The following DAB1 variants were observed in gnomAD, a reference collection of about 807,000 sequenced individuals.
The protein encoded by DAB1 is DAB adaptor protein 1.
In DAB1, 15 loss-of-function variants were observed where a neutral mutation model predicts 64.6. The ratio of observed to expected loss-of-function variants is 0.23; its 90% CI spans 0.16 to 0.36. The LOEUF is 0.36. Among genes scored for constraint, DAB1 ranks in the 10% least tolerant of loss-of-function variants. The probability of loss-of-function intolerance (pLI) is 1.00; values close to 1 mark genes in which losing one functional copy is unlikely to be tolerated. For synonymous variants in DAB1, 235 were observed against 251.9 expected (o/e 0.93, Z 0.64); for missense variants, 596 against 706.7 (o/e 0.84, Z 1.78).
At chr1:58,097,865 A>G (rs1324890070) in intron 5 of DAB1, among the ~76,000 whole-genome samples, 1 of 152,092 alleles carries the variant, frequency 6.6e-6, no homozygotes, top group Non-Finnish European at 1.5e-5. Flanking sequence ...CTTGAAAGCC[A>G]CCAAGCCCAG....
intron 1 of DAB1, among the ~76,000 whole-genome samples, chr1:57,304,769 A>T (rs1362786115): frequency 6.6e-6 from 1 of 152,206 alleles, no homozygotes; most frequent in Non-Finnish European, 1.5e-5. Flanking sequence ...TTGCTATACC[A>T]TATAACTATT....
At chr1:57,906,102 A>G (rs564767188) in intron 5 of DAB1, among the ~76,000 whole-genome samples, 21 of 152,260 alleles carry the variant, frequency 1.4e-4, no homozygotes, top group Non-Finnish European at 2.8e-4. Context: ...GTAGTGAGAA[A>G]CTTCTGGAAA....
intron 3 of DAB1, among the ~76,000 whole-genome samples, chr1:58,361,422 T>C (rs534320970): frequency 1.3e-5 from 2 of 152,320 alleles, no homozygotes; most frequent in Non-Finnish European, 2.9e-5. Context: ...ATGACCCACA[T>C]GTTTGTCTGT....
intron 3 of DAB1, among the ~76,000 whole-genome samples, chr1:57,144,522 C>T (rs867047715): frequency 2.6e-5 from 4 of 151,810 alleles, no homozygotes; most frequent in African/African-American, 7.3e-5. Flanking sequence ...GGTGAAACCC[C>T]GTCTCTACTA....
chr1:57,858,921 C>A (rs852804), intron 1 of DAB1, among the ~76,000 whole-genome samples: 2 of 151,470 alleles, frequency 1.3e-5, no homozygotes, highest in East Asian at 3.9e-4. Context: ...TCAAGAGCTG[C>A]GATTCCAAGT....
intron 6 of DAB1, among the ~76,000 whole-genome samples, chr1:57,702,941 G>T (rs1646923943): frequency 6.6e-6 from 1 of 152,066 alleles, no homozygotes; most frequent in Admixed American, 6.6e-5. Flanking sequence ...AATGGGGAAA[G>T]GATTCCTTAT....
chr1:57,606,528 A>ATG (rs1558535202), intron 7 of DAB1, among the ~76,000 whole-genome samples: 5 of 58,936 alleles, frequency 8.5e-5, no homozygotes, highest in African/African-American at 3.6e-4. Context: ...TATAATATAT[A>ATG]ATATATATGA....
chr1:57,893,322 T>C (rs769776655), intron 5 of DAB1, among the ~76,000 whole-genome samples: 2 of 152,162 alleles, frequency 1.3e-5, no homozygotes, highest in Non-Finnish European at 2.9e-5. Context: ...GGCTTTATTT[T>C]CTAGGGGAGA....
intron 9 of DAB1, among the ~76,000 whole-genome samples, chr1:57,029,638 C>A (rs936738111): frequency 2.0e-5 from 3 of 152,198 alleles, no homozygotes; most frequent in Non-Finnish European, 2.9e-5. Context: ...TGGGAACCTA[C>A]CTCTTGCATC....
chr1:57,831,808 G>T (rs771794364), intron 1 of DAB1, among the ~76,000 whole-genome samples: 30 of 152,138 alleles, frequency 2.0e-4, no homozygotes, highest in Admixed American at 6.5e-4. Flanking sequence ...CTCTCAAAGT[G>T]CTGGGAATAC....
At chr1:57,646,135 G>A (rs1165579496) in intron 7 of DAB1, among the ~76,000 whole-genome samples, 3 of 152,144 alleles carry the variant, frequency 2.0e-5, no homozygotes, top group Non-Finnish European at 4.4e-5. Context: ...TATGATGGCT[G>A]CAGATGAATA....
At chr1:58,433,567 AAGAGAGAGAGAGAGAG>A (rs67547933) in intron 3 of DAB1, among the ~76,000 whole-genome samples, 6 of 114,380 alleles carry the variant, frequency 5.2e-5, no homozygotes, top group South Asian at 3.0e-4. Context: ...GTCCATGCAT[AAGAGAGAGAGAGAGAG>A]AGAGAGAGAG....
chr1:57,756,393 A>T (rs1227930983), intron 6 of DAB1, among the ~76,000 whole-genome samples: 3 of 152,172 alleles, frequency 2.0e-5, no homozygotes, highest in Admixed American at 2.0e-4. Flanking sequence ...GAAAGAGGTG[A>T]TTACTGACTT....
intron 7 of DAB1, among the ~76,000 whole-genome samples, chr1:57,481,403 C>G (rs1433213090): frequency 6.6e-6 from 1 of 152,124 alleles, no homozygotes; most frequent in South Asian, 2.1e-4. Flanking sequence ...TTGTTTACTC[C>G]AAGAATTTTA....
chr1:58,210,586 T>G (rs980385892), intron 4 of DAB1, among the ~76,000 whole-genome samples: 7 of 152,332 alleles, frequency 4.6e-5, no homozygotes, highest in Admixed American at 2.0e-4. Context: ...ACTGCCAGGA[T>G]GAAGATGAGC....
intron 6 of DAB1, among the ~76,000 whole-genome samples, chr1:57,805,871 T>G (rs1651337539): frequency 6.6e-6 from 1 of 152,202 alleles, no homozygotes; most frequent in Admixed American, 6.5e-5. Context: ...TCTCACCAAC[T>G]CTGCTGTTGT....
intron 3 of DAB1, among the ~76,000 whole-genome samples, chr1:58,406,588 A>G (rs1018735641): frequency 5.3e-5 from 8 of 152,204 alleles, no homozygotes; most frequent in African/African-American, 1.9e-4. Flanking sequence ...GCCACAGACA[A>G]CAATGGCCAG....
chr1:57,676,783 C>T lies in DAB1; in HGVS notation n.552-27118G>A, dbSNP rs200569885. On this transcript the variant is annotated intron_variant and non_coding_transcript_variant, in intron 6 of 20. Transcript: ENST00000485760. Reference sequence around the variant, plus strand: ...AATGGGCTTTAAGTGCTATCTCCTCCGCTTGGAATGACTTTTCTCTGTTTG... The same window carrying T: ...AATGGGCTTTAAGTGCTATCTCCTCTGCTTGGAATGACTTTTCTCTGTTTG... Among the ~76,000 whole-genome samples, 71 of 152,266 alleles carry T rather than the reference C, an allele frequency of 4.7e-4. No homozygotes were observed. In the East Asian group the frequency reaches 8.3e-3, roughly 18 times the overall value.
In DAB1 at chr1:57,354,651, G is replaced by C. The variant is rs557596730; in HGVS notation, c.-136-63485C>G. On this transcript the variant is annotated intron_variant, in intron 1 of 14. Transcript: ENST00000371236. ...TGTACTACTTTCTTCTTTCATTCAT[G>C]ATGGTGTTCCACATGGGTCCTGAGA... 3.3e-5 allele frequency among the ~76,000 whole-genome samples: 5 copies of C among 152,172 alleles called. No homozygotes were observed. The South Asian group carries it at 1.0e-3, about 32-fold the overall frequency.
Sources: gnomAD v4.1 joint callset for allele counts (sites outside exome capture counted in the v4.1 genomes callset) on GRCh38, gnomAD v4.1.1 for gene constraint, MANE v1.5 for transcripts, NCBI Gene and HGNC (gene_info 2026-07-23, HGNC 2026-07-21) for gene names.